Variants in RIN3 observed in about 807,000 individuals in gnomAD.
The protein encoded by RIN3 is Ras and Rab interactor 3, also known as RAB5 interacting protein 3.
In RIN3, 54 loss-of-function variants were observed where a neutral mutation model predicts 76.3. The observed-to-expected ratio is 0.71, with a 90% CI of 0.57 to 0.89. RIN3 has a LOEUF of 0.89. RIN3 is among the 40% of genes least tolerant of loss of function. RIN3 has a pLI of 0.00. For synonymous variants in RIN3, 576 were observed against 564.0 expected, an observed-to-expected ratio of 1.02 and a Z score of -0.30; for missense variants, 1,256 against 1,322.1, an observed-to-expected ratio of 0.95 and a Z score of 0.78.
chr14:92,651,296 G>A (rs1241096327), intron 5 of RIN3, among the ~76,000 whole-genome samples: 1 of 152,060 alleles, frequency 6.6e-6, no homozygotes, highest in East Asian at 1.9e-4. Context: ...CTCCAATGTG[G>A]GCTCTCACAC....
chr14:92,673,800 C>A (rs913193886), intron 7 of RIN3, among the ~76,000 whole-genome samples: 3 of 152,204 alleles, frequency 2.0e-5, no homozygotes, highest in Admixed American at 1.3e-4. Flanking sequence ...GCCACCGCGC[C>A]CGGCCGCCAC....
chr14:92,569,609 A>C (rs1566846978), intron 2 of RIN3, among the ~76,000 whole-genome samples: 1 of 151,088 alleles, frequency 6.6e-6, no homozygotes, highest in Non-Finnish European at 1.5e-5. Flanking sequence ...TCTCTCTTGG[A>C]ATGTGAGGAT....
intron 3 of RIN3, among the ~76,000 whole-genome samples, chr14:92,597,169 TA>T (rs1292076564): frequency 1.1e-5 from 1 of 94,206 alleles, no homozygotes; most frequent in Non-Finnish European, 2.6e-5. Flanking sequence ...TGTGTTTATA[TA>T]TATTATTTTT....
intron 4 of RIN3, among the ~76,000 whole-genome samples, chr14:92,622,974 A>G (rs1185277263): frequency 6.6e-6 from 1 of 152,224 alleles, no homozygotes; most frequent in East Asian, 1.9e-4. Context: ...GATTGGGAAG[A>G]ACTAGGGAAG....
chr14:92,534,211 T>TA (rs199791873), intron 1 of RIN3, among the ~76,000 whole-genome samples: 17,245 of 147,184 alleles, frequency 0.12, 1,272 homozygotes, highest in Non-Finnish European at 0.16. Flanking sequence ...TGTTCCCCAT[T>TA]AAAAAAAAAT....
At chr14:92,564,673 G>A (rs541750306) in intron 2 of RIN3, among the ~76,000 whole-genome samples, 1 of 152,186 alleles carries the variant, frequency 6.6e-6, no homozygotes, top group African/African-American at 2.4e-5. Flanking sequence ...GGGCTTGCAT[G>A]GGGGAATCCT....
chr14:92,555,150 C>G (rs1365627268), intron 1 of RIN3, among the ~76,000 whole-genome samples: 1 of 152,184 alleles, frequency 6.6e-6, no homozygotes, highest in African/African-American at 2.4e-5. Flanking sequence ...TAGCTGTACA[C>G]TCAAGATGTG....
At chr14:92,581,438 G>A (rs1285007200) in intron 3 of RIN3, among the ~76,000 whole-genome samples, 1 of 152,202 alleles carries the variant, frequency 6.6e-6, no homozygotes, top group Non-Finnish European at 1.5e-5. Context: ...GCTGAGGTTG[G>A]AGGTTATGAT....
chr14:92,532,980 G>T (rs1318435682), intron 1 of RIN3, among the ~76,000 whole-genome samples: 2 of 152,222 alleles, frequency 1.3e-5, no homozygotes, highest in African/African-American at 2.4e-5. Flanking sequence ...AAGCTCCCAG[G>T]AGGAGGGGCC....
rs529491168 is a variant in RIN3 at position 92,668,440 on chromosome 14, G to A, written c.2336-8035G>A. On this transcript the variant is annotated intron_variant, in intron 7 of 9. Coordinates refer to ENST00000216487, the MANE Select transcript of RIN3 (RefSeq NM_024832.5). ...GCCTGTGTAGCTGACTGGCTTGTGG[G>A]CTGAGCTCTCTGAAGAGAAACCCAG... Among the ~76,000 whole-genome samples the A allele has an allele frequency of 2.0e-5, 3 of 152,346 alleles. No homozygotes were observed. In the East Asian group the frequency reaches 5.8e-4, roughly 29 times the overall value.
intron 1 of RIN3, among the ~76,000 whole-genome samples, chr14:92,525,141 G>T (rs1355832765): frequency 6.6e-6 from 1 of 152,202 alleles, no homozygotes; most frequent in Non-Finnish European, 1.5e-5. Context: ...GTGTATGGGG[G>T]TGGGGTGGGG....
intron 2 of RIN3, among the ~76,000 whole-genome samples, chr14:92,558,458 G>A (rs939158045): frequency 2.6e-5 from 4 of 152,228 alleles, no homozygotes; most frequent in African/African-American, 9.6e-5. Context: ...ATATCATCTT[G>A]CAATCATCCT....
At chr14:92,559,075 C>T (rs1897686204) in intron 2 of RIN3, among the ~76,000 whole-genome samples, 2 of 152,002 alleles carry the variant, frequency 1.3e-5, no homozygotes, top group Admixed American at 6.5e-5. Context: ...CCATGTTGGC[C>T]AGGCTGGTCT....
chr14:92,658,324 G>A (rs936640198), intron 6 of RIN3, among the ~76,000 whole-genome samples: 1 of 152,240 alleles, frequency 6.6e-6, no homozygotes, highest in African/African-American at 2.4e-5. Flanking sequence ...CCACACAAAG[G>A]GAACCGCAGG....
At chr14:92,581,206 G>T (rs905802568) in intron 3 of RIN3, among the ~76,000 whole-genome samples, 2 of 152,156 alleles carry the variant, frequency 1.3e-5, no homozygotes, top group African/African-American at 2.4e-5. Context: ...GGTGCTCCTG[G>T]GGTCACACAG....
intron 3 of RIN3, among the ~76,000 whole-genome samples, chr14:92,608,067 T>C (rs1566865575): frequency 1.3e-5 from 2 of 152,198 alleles, no homozygotes; most frequent in Non-Finnish European, 2.9e-5. Flanking sequence ...TCTGTGGTGT[T>C]GGATGAGCTA....
At chr14:92,588,290 C>G (rs1054516119) in intron 3 of RIN3, among the ~76,000 whole-genome samples, 9 of 129,646 alleles carry the variant, frequency 6.9e-5, no homozygotes, top group South Asian at 2.4e-4. Flanking sequence ...TGCAGTGGCG[C>G]GATCTCTGCT....
intron 4 of RIN3, among the ~76,000 whole-genome samples, chr14:92,621,286 C>T (rs761112910): frequency 2.3e-5 from 3 of 129,754 alleles, no homozygotes; most frequent in South Asian, 2.7e-4. Flanking sequence ...CATTTTTTTA[C>T]AATACTTCTT....
intron 2 of RIN3, among the ~76,000 whole-genome samples, chr14:92,560,227 T>C (rs1566842775): frequency 6.6e-6 from 1 of 152,114 alleles, no homozygotes. Flanking sequence ...GTGCTGAGTA[T>C]AGAAGATGTT....
Sources: gnomAD v4.1 joint callset for allele counts (sites outside exome capture counted in the v4.1 genomes callset) on GRCh38, gnomAD v4.1.1 for gene constraint, MANE v1.5 for transcripts, NCBI Gene and HGNC (gene_info 2026-07-23, HGNC 2026-07-21) for gene names.